Variants in UXS1 observed in about 807,000 individuals in gnomAD.
The protein encoded by UXS1 is UDP-glucuronate decarboxylase 1.
In UXS1, 33 loss-of-function variants were observed where a neutral mutation model predicts 62.6. The ratio of observed to expected loss-of-function variants is 0.53; its 90% CI spans 0.40 to 0.70. UXS1 has a LOEUF of 0.70. Ranked by LOEUF, UXS1 falls within the 30% of genes least tolerant of loss-of-function variation. The pLI is 0.00. For missense variants in UXS1, 434 were observed against 556.3 expected, an observed-to-expected ratio of 0.78 and a Z score of 2.21; for synonymous variants, 213 against 206.8, an observed-to-expected ratio of 1.03 and a Z score of -0.26.
chr2:106,150,699 T>C (rs544420640), intron 5 of UXS1, among the ~76,000 whole-genome samples: 4 of 151,394 alleles, frequency 2.6e-5, no homozygotes, highest in African/African-American at 9.8e-5. Flanking sequence ...CGGGACAGGG[T>C]GGGAGGTGGC....
chr2:106,168,771 A>C (rs905024207), intron 1 of UXS1, among the ~76,000 whole-genome samples: 3 of 152,228 alleles, frequency 2.0e-5, no homozygotes, highest in Non-Finnish European at 4.4e-5. Flanking sequence ...CCATTTGATG[A>C]AATCAGAAAG....
At chr2:106,128,802 G>C (rs1380444333) in intron 7 of UXS1, among the ~76,000 whole-genome samples, 1 of 152,182 alleles carries the variant, frequency 6.6e-6, no homozygotes, top group African/African-American at 2.4e-5. Flanking sequence ...GCATCTAAGA[G>C]ATAAACCAAT....
intron 13 of UXS1, among the ~76,000 whole-genome samples, chr2:106,098,459 C>A (rs1188233776): frequency 1.3e-5 from 2 of 152,216 alleles, no homozygotes; most frequent in African/African-American, 2.4e-5. Context: ...AATCGTGCCT[C>A]AAACACTGGG....
At position 106,146,772 on chromosome 2, in the gene UXS1, CAAAAAAAAA is replaced by C. The variant is rs55896853; in HGVS notation, c.292-1411_292-1403del. Among the ~76,000 whole-genome samples the C allele has an allele frequency of 8.8e-4, 40 of 45,228 alleles. No individual in the cohort carries two copies. In the South Asian group the frequency reaches 0.01, roughly 11 times the overall value. The allele number at this position is 45,228 out of a possible 152,430, so 29.7% of individuals were successfully genotyped here. On this transcript the variant is annotated intron_variant, in intron 5 of 14. Transcript: ENST00000283148. ...CTGGGTGACAGAGAAGACTCCATCT[CAAAAAAAAA>C]AAAAAAAAAAAAAAAGAAGCCATCT...
At chr2:106,152,367 G>A (rs527946029) in intron 5 of UXS1, among the ~76,000 whole-genome samples, 6 of 151,826 alleles carry the variant, frequency 4.0e-5, no homozygotes, top group Non-Finnish European at 5.9e-5. Flanking sequence ...CAGGAGAATC[G>A]CTTGAAATCA....
At chr2:106,095,806 G>A (rs1677027875) in intron 14 of UXS1, among the ~76,000 whole-genome samples, 1 of 152,200 alleles carries the variant, frequency 6.6e-6, no homozygotes, top group African/African-American at 2.4e-5. Flanking sequence ...CCCTACACAG[G>A]TGGTCTCTGA....
At chr2:106,138,992 G>T in intron 6 of UXS1, 2 of 494,434 alleles carry the variant, frequency 4.0e-6, no homozygotes, top group Non-Finnish European at 5.2e-6. Flanking sequence ...AATGAGAGGT[G>T]CTAGGTAAAC....
At chr2:106,094,277 G>A (rs1676901071) in intron 14 of UXS1, 120 bp from the exon 15 acceptor site, 3 of 337,826 alleles carry the variant, frequency 8.9e-6, no homozygotes, top group Admixed American at 5.9e-5. Flanking sequence ...GCCTCCTTCA[G>A]AGGAACACTC....
chr2:106,111,804 G>C (rs1678634321), intron 10 of UXS1, among the ~76,000 whole-genome samples: 1 of 152,204 alleles, frequency 6.6e-6, no homozygotes, highest in Non-Finnish European at 1.5e-5. Context: ...CCATGCCACA[G>C]GATTTTCAGA....
intron 1 of UXS1, among the ~76,000 whole-genome samples, chr2:106,174,867 T>C (rs1683782790): frequency 6.6e-6 from 1 of 152,212 alleles, no homozygotes; most frequent in South Asian, 2.1e-4. Flanking sequence ...CACCCATCCC[T>C]GGGCCACCCT....
intron 7 of UXS1, among the ~76,000 whole-genome samples, chr2:106,128,152 G>A (rs976915146): frequency 6.6e-6 from 1 of 152,154 alleles, no homozygotes; most frequent in African/African-American, 2.4e-5. Flanking sequence ...TGGTATGATG[G>A]AGGGGGGCGG....
chr2:106,152,658 G>A (rs1406245811), intron 5 of UXS1, among the ~76,000 whole-genome samples: 4 of 152,100 alleles, frequency 2.6e-5, no homozygotes, highest in Non-Finnish European at 5.9e-5. Context: ...AACAGCAAGA[G>A]TCTGCAACAC....
intron 9 of UXS1, among the ~76,000 whole-genome samples, chr2:106,116,786 G>T (rs1272802257): frequency 6.6e-6 from 1 of 152,158 alleles, no homozygotes; most frequent in African/African-American, 2.4e-5. Context: ...TTCCTTCTGG[G>T]AAACTGCATG....
chr2:106,098,652 G>T, intron 13 of UXS1, 64 bp downstream of exon 13: 1 of 1,340,910 alleles, frequency 7.5e-7, no homozygotes, highest in South Asian at 1.2e-5. Context: ...TTCTAGTCAA[G>T]GTGTTATTAA....
At position 106,145,244 on chromosome 2, in the gene UXS1, GT is replaced by G. The variant is rs1354478932; in HGVS notation, c.417del (p.His140MetfsTer6). The G allele has an allele frequency of 6.2e-7, 1 of 1,613,992 alleles. No homozygotes were observed. Among genetic ancestry groups the G allele is most frequent in the Non-Finnish European group, 8.5e-7 (1 of 1,179,880 alleles). On this transcript the variant is annotated frameshift_variant, in exon 6 of 15. Coordinates refer to ENST00000283148, the MANE Select transcript of UXS1 (RefSeq NM_001253875.2). LOFTEE classifies it high-confidence loss of function. ...TGGTTAATCAACTCGAAGTTCTCAT[GT>G]CCGATCCAGTGCTCCACGTTTCTCT... ...GRKRNVEHWI[G>X]HENFELINHD...
At position 106,194,248 on chromosome 2, in the gene UXS1, G is replaced by A. The variant is rs1190099101; in HGVS notation, c.-7C>T. On this transcript the variant is annotated 5_prime_UTR_variant, in exon 1 of 15. Coordinates refer to ENST00000283148, the MANE Select transcript of UXS1 (RefSeq NM_001253875.2). ...GCAGCGCCTTGCTCACCATCCCCGG[G>A]AGCCGCGCGGGTCCAGGGCCCTACC... 2 of 1,427,448 alleles carry A rather than the reference G, an allele frequency of 1.4e-6. No homozygotes were observed. Among genetic ancestry groups the A allele is most frequent in the Non-Finnish European group, 1.8e-6 (2 of 1,083,644 alleles). The allele number at this position is 1,427,448 out of a possible 1,614,324, so 88.4% of individuals were successfully genotyped here.
chr2:106,109,913 G>A (rs1190389473), intron 10 of UXS1, among the ~76,000 whole-genome samples: 7 of 152,130 alleles, frequency 4.6e-5, no homozygotes, highest in African/African-American at 1.2e-4. Context: ...GTGACTTGTC[G>A]GAAATGTAGC....
intron 5 of UXS1, among the ~76,000 whole-genome samples, chr2:106,145,874 T>G (rs1681519197): frequency 6.6e-6 from 1 of 152,202 alleles, no homozygotes; most frequent in Admixed American, 6.5e-5. Context: ...TTAAATTGTT[T>G]ATGAGAACAA....
chr2:106,155,596 T>C (rs1322853754), intron 5 of UXS1, among the ~76,000 whole-genome samples: 1 of 152,218 alleles, frequency 6.6e-6, no homozygotes, highest in African/African-American at 2.4e-5. Flanking sequence ...TGTACAGATT[T>C]GTAGCATATG....
Sources: allele counts gnomAD v4.1 joint callset (sites outside exome capture counted in the v4.1 genomes callset), GRCh38; gene constraint gnomAD v4.1.1; transcripts MANE v1.5; gene names NCBI Gene and HGNC (gene_info 2026-07-23, HGNC 2026-07-21).